Variants in RGS7BP observed in about 807,000 individuals in gnomAD.
RGS7BP encodes the protein regulator of G protein signaling 7 binding protein.
In RGS7BP, 9 loss-of-function variants were observed where a neutral mutation model predicts 31.3. The observed-to-expected ratio is 0.29, with a 90% CI of 0.17 to 0.50. The LOEUF (loss-of-function observed/expected upper bound fraction) is 0.50, where lower values mean the gene tolerates loss of function less well. Among genes scored for constraint, RGS7BP ranks in the 20% least tolerant of loss-of-function variants. RGS7BP has a pLI of 0.98. For synonymous variants in RGS7BP, 115 were observed against 120.1 expected, an observed-to-expected ratio of 0.96 and a Z score of 0.28; for missense variants, 274 against 322.0, an observed-to-expected ratio of 0.85 and a Z score of 1.14.
chr5:64,548,135 GTAAA>G (rs1653487910), intron 2 of RGS7BP, among the ~76,000 whole-genome samples: 2 of 152,096 alleles, frequency 1.3e-5, no homozygotes, highest in African/African-American at 4.8e-5. Flanking sequence ...TATTGTTGCA[GTAAA>G]TAAATATTTC....
Position 64,532,807 on chromosome 5 carries a change from A to G in RGS7BP, c.332+24930A>G, listed in dbSNP as rs538310317. On this transcript the variant is annotated intron_variant, in intron 2 of 5. Coordinates refer to ENST00000334025, the MANE Select transcript of RGS7BP (RefSeq NM_001029875.3). ...CCCCCTTTTCAGGCCATTCTTCTCT[A>G]GTGTATTTGGGTAGCGGAGGGCCTG... Among the ~76,000 whole-genome samples the G allele has an allele frequency of 1.3e-4, 19 of 151,074 alleles. No homozygotes were observed. The South Asian group carries it at 4.0e-3, about 32-fold the overall frequency.
intron 2 of RGS7BP, among the ~76,000 whole-genome samples, chr5:64,537,880 T>C (rs1377293532): frequency 6.6e-6 from 1 of 152,180 alleles, no homozygotes; most frequent in Non-Finnish European, 1.5e-5. Flanking sequence ...CAAACTTCTC[T>C]TAGTGCTAAA....
intron 2 of RGS7BP, among the ~76,000 whole-genome samples, chr5:64,518,252 C>T (rs1343859609): frequency 1.3e-5 from 2 of 151,430 alleles, no homozygotes; most frequent in African/African-American, 2.4e-5. Flanking sequence ...TGCCCAACTC[C>T]AGAAGTCATC....
At chr5:64,605,608 T>G (rs1209558667) in intron 5 of RGS7BP, among the ~76,000 whole-genome samples, 1 of 152,084 alleles carries the variant, frequency 6.6e-6, no homozygotes, top group Non-Finnish European at 1.5e-5. Context: ...CTCCCTATGG[T>G]GTAGAAAGCT....
At chr5:64,524,218 A>C (rs1327830664) in intron 2 of RGS7BP, among the ~76,000 whole-genome samples, 1 of 152,234 alleles carries the variant, frequency 6.6e-6, no homozygotes, top group Non-Finnish European at 1.5e-5. Context: ...TTCTATCATC[A>C]GCTTTTTCTG....
chr5:64,551,482 C>CA (rs1052022789), intron 2 of RGS7BP, among the ~76,000 whole-genome samples: 1 of 151,676 alleles, frequency 6.6e-6, no homozygotes, highest in Non-Finnish European at 1.5e-5. Flanking sequence ...AGGCTGGTCT[C>CA]AAACTCCTAA....
intron 3 of RGS7BP, among the ~76,000 whole-genome samples, chr5:64,587,286 C>T (rs1488996281): frequency 3.3e-5 from 5 of 152,282 alleles, no homozygotes; most frequent in Non-Finnish European, 7.4e-5. Flanking sequence ...GGAAGGATGA[C>T]TTCAACAAAC....
At position 64,506,912 on chromosome 5, in the gene RGS7BP, C is replaced by A; in HGVS notation, c.165+123C>A. Reference sequence around the variant, plus strand: ...CCACCCTCAGCTCCTCAATGCCGATCACGTGGCACATGCACTATTTTTAAA... The same window carrying A: ...CCACCCTCAGCTCCTCAATGCCGATAACGTGGCACATGCACTATTTTTAAA... On this transcript the variant is annotated intron_variant, in intron 1 of 5. Coordinates refer to ENST00000334025, the MANE Select transcript of RGS7BP (RefSeq NM_001029875.3). This position sits in a 1 kb window ranked among gnomAD's most constrained non-coding sequence, Gnocchi z 4.6. 1 of 874,874 alleles carries A rather than the reference C, an allele frequency of 1.1e-6. No individual in the cohort carries two copies. The highest frequency in any genetic ancestry group is 1.7e-6 in the Non-Finnish European group (1 of 578,084). The allele number at this position is 874,874 out of a possible 1,614,324, so 54.2% of individuals were successfully genotyped here.
At chr5:64,604,692 A>G in intron 5 of RGS7BP, among the ~76,000 whole-genome samples, 1 of 152,170 alleles carries the variant, frequency 6.6e-6, no homozygotes, top group East Asian at 1.9e-4. Flanking sequence ...CTAATGTTTG[A>G]GAACCACTGG....
chr5:64,509,789 G>C (rs762212659), intron 2 of RGS7BP, among the ~76,000 whole-genome samples: 2 of 152,046 alleles, frequency 1.3e-5, no homozygotes, highest in Non-Finnish European at 2.9e-5. Context: ...GAATTAGTGG[G>C]AAAATAAGAT....
intron 2 of RGS7BP, among the ~76,000 whole-genome samples, chr5:64,549,200 T>C (rs1199772852): frequency 6.6e-6 from 1 of 152,162 alleles, no homozygotes; most frequent in Admixed American, 6.5e-5. Flanking sequence ...AACAGACAAG[T>C]TATGTACTTC....
chr5:64,557,857 G>GTCAGTTCATAT (rs1324445361), intron 2 of RGS7BP, among the ~76,000 whole-genome samples: 1 of 152,118 alleles, frequency 6.6e-6, no homozygotes, highest in African/African-American at 2.4e-5. Flanking sequence ...GTAATAAGAT[G>GTCAGTTCATAT]TCAGTTCATA....
Position 64,507,694 on chromosome 5 carries a change from A to AT in RGS7BP, c.166-17_166-16insT, listed in dbSNP as rs1173711089. The stretch of plus-strand genomic sequence containing the variant: ...AGAAATGTTTGGTAAAAAAAAAAAA[A>AT]CTCACTTCTTTTCCAGCTTGTCCAA... On this transcript the variant is annotated splice_polypyrimidine_tract_variant and intron_variant, in intron 1 of 5. Transcript: ENST00000334025. 1 of 1,552,552 alleles carries AT rather than the reference A, an allele frequency of 6.4e-7. No homozygotes were observed. The highest frequency in any genetic ancestry group is 8.7e-7 in the Non-Finnish European group (1 of 1,149,630).
At chr5:64,541,222 G>C (rs993980816) in intron 2 of RGS7BP, among the ~76,000 whole-genome samples, 2 of 152,082 alleles carry the variant, frequency 1.3e-5, no homozygotes, top group Non-Finnish European at 2.9e-5. Context: ...AGAGGGGAGG[G>C]GGAGGTCCCA....
intron 2 of RGS7BP, among the ~76,000 whole-genome samples, chr5:64,519,648 T>A (rs530139884): frequency 2.0e-5 from 3 of 152,170 alleles, no homozygotes; most frequent in African/African-American, 7.2e-5. Context: ...TTTTGAACCA[T>A]GGGGAAAGAG....
chr5:64,510,216 T>G (rs1339322465), intron 2 of RGS7BP, among the ~76,000 whole-genome samples: 1 of 152,210 alleles, frequency 6.6e-6, no homozygotes, highest in Non-Finnish European at 1.5e-5. Context: ...GGGATTATTA[T>G]TCTTATTCTA....
intron 5 of RGS7BP, among the ~76,000 whole-genome samples, chr5:64,607,321 A>G (rs545885746): frequency 6.6e-6 from 1 of 152,236 alleles, no homozygotes; most frequent in South Asian, 2.1e-4. Context: ...AAGATTAAGT[A>G]CATGCCCATG....
intron 2 of RGS7BP, among the ~76,000 whole-genome samples, chr5:64,541,723 C>T (rs536966732): frequency 6.6e-6 from 1 of 152,130 alleles, no homozygotes; most frequent in South Asian, 2.1e-4. Context: ...TGTTTATCAC[C>T]TTTGCCATTT....
chr5:64,579,543 C>CAAAAAAAAAAAAAAA (rs34003776), intron 3 of RGS7BP, among the ~76,000 whole-genome samples: 5 of 53,310 alleles, frequency 9.4e-5, no homozygotes, highest in African/African-American at 1.7e-4. Context: ...GACTCCATCT[C>CAAAAAAAAAAAAAAA]AAAAAAAAAA....
Sources: gnomAD v4.1 joint callset for allele counts (sites outside exome capture counted in the v4.1 genomes callset) on GRCh38, gnomAD v4.1.1 for gene constraint, Gnocchi (gnomAD v3.1) non-coding constraint, MANE v1.5 for transcripts, NCBI Gene and HGNC (gene_info 2026-07-23, HGNC 2026-07-21) for gene names.